DENND6A: variants seen among roughly 807,000 people sequenced by gnomAD.
The protein encoded by DENND6A is protein DENND6A.
Under a neutral mutation model 95.5 loss-of-function variants are expected in DENND6A, and 43 were observed. That is an observed-to-expected ratio of 0.45 (90% CI 0.35 to 0.58). The LOEUF is 0.58. Among genes scored for constraint, DENND6A ranks in the 20% least tolerant of loss-of-function variants. The probability of loss-of-function intolerance (pLI) is 0.00; values close to 1 mark genes in which losing one functional copy is unlikely to be tolerated. For synonymous variants in DENND6A, 257 were observed against 260.4 expected (o/e 0.99, Z 0.13); for missense variants, 574 against 736.0 (o/e 0.78, Z 2.55).
At chr3:57,685,476 T>C (rs955926054) in intron 1 of DENND6A, among the ~76,000 whole-genome samples, 1 of 152,082 alleles carries the variant, frequency 6.6e-6, no homozygotes, top group Non-Finnish European at 1.5e-5. Context: ...CAGTTGGACA[T>C]CCCAAATCCA....
intron 3 of DENND6A, among the ~76,000 whole-genome samples, chr3:57,671,656 G>GAA (rs1250570232): frequency 6.6e-6 from 1 of 152,170 alleles, no homozygotes; most frequent in African/African-American, 2.4e-5. Context: ...AAGCTAGTTT[G>GAA]AAAGTGAAAC....
chr3:57,646,518 A>C, intron 9 of DENND6A, 80 bp from the exon 10 acceptor site: 1 of 1,472,066 alleles, frequency 6.8e-7, no homozygotes, highest in Admixed American at 2.6e-5. Context: ...CTTTCTAAAA[A>C]CTCCACATTG....
At chr3:57,686,201 G>A (rs1326542253) in intron 1 of DENND6A, among the ~76,000 whole-genome samples, 6 of 152,044 alleles carry the variant, frequency 3.9e-5, no homozygotes. Flanking sequence ...CATATCCCAG[G>A]TAAAACAGAA....
chr3:57,653,442 G>T (rs1444993003), intron 9 of DENND6A, among the ~76,000 whole-genome samples: 1 of 151,974 alleles, frequency 6.6e-6, no homozygotes, highest in Non-Finnish European at 1.5e-5. Flanking sequence ...AACTTCTCTC[G>T]AACTAAAAAA....
chr3:57,639,969 A>C (rs904242958), intron 12 of DENND6A, among the ~76,000 whole-genome samples: 2 of 152,160 alleles, frequency 1.3e-5, no homozygotes, highest in African/African-American at 4.8e-5. Flanking sequence ...AAAAGGAACA[A>C]GTTTTAAAAG....
intron 11 of DENND6A, among the ~76,000 whole-genome samples, chr3:57,642,334 A>G (rs866939001): frequency 6.7e-5 from 10 of 148,280 alleles, no homozygotes; most frequent in Non-Finnish European, 1.5e-4. Context: ...AAAAAAAAAA[A>G]GCATAATAAT....
intron 1 of DENND6A, among the ~76,000 whole-genome samples, chr3:57,682,829 T>A (rs2077178495): frequency 6.6e-6 from 1 of 151,978 alleles, no homozygotes; most frequent in Non-Finnish European, 1.5e-5. Flanking sequence ...GTGTGCAACA[T>A]CCCGCCCGGC....
chr3:57,669,266 C>A (rs141975324), intron 3 of DENND6A, among the ~76,000 whole-genome samples: 219 of 152,230 alleles, frequency 1.4e-3, no homozygotes, highest in Non-Finnish European at 2.7e-3. Flanking sequence ...AACATATAGT[C>A]TCTTGCTACC....
At chr3:57,635,628 T>A (rs952336625) in intron 12 of DENND6A, among the ~76,000 whole-genome samples, 10 of 152,180 alleles carry the variant, frequency 6.6e-5, no homozygotes, top group African/African-American at 1.9e-4. Flanking sequence ...GTTTAAATAG[T>A]TACATAGATC....
intron 1 of DENND6A, among the ~76,000 whole-genome samples, chr3:57,691,780 C>A (rs1348460268): frequency 6.6e-6 from 1 of 151,258 alleles, no homozygotes; most frequent in Non-Finnish European, 1.5e-5. Context: ...GCTAAAAAGA[C>A]CTTCAACAAC....
intron 12 of DENND6A, among the ~76,000 whole-genome samples, chr3:57,639,384 T>G (rs1484465170): frequency 1.3e-5 from 2 of 152,218 alleles, no homozygotes; most frequent in Admixed American, 1.3e-4. Flanking sequence ...CAATTCATGC[T>G]GCTCTACCAA....
At chr3:57,676,081 AAAAAAGTCCT>A (rs1302563536) in intron 1 of DENND6A, among the ~76,000 whole-genome samples, 4 of 152,050 alleles carry the variant, frequency 2.6e-5, no homozygotes, top group Non-Finnish European at 5.9e-5. Flanking sequence ...TCTCTCAAAA[AAAAAAGTCCT>A]TCTTGGCCAG....
chr3:57,641,634 C>A lies in DENND6A; in HGVS notation c.1132+19G>T. On this transcript the variant is annotated intron_variant, in intron 12 of 19. Coordinates refer to ENST00000311128, the MANE Select transcript of DENND6A (RefSeq NM_152678.3). The stretch of plus-strand genomic sequence containing the variant: ...GCAACACTGCACACTAGAAACAGAA[C>A]ACCAAGTTTATACTTTACCTGTAGG... 1 of 1,593,720 alleles carries A rather than the reference C, an allele frequency of 6.3e-7. No individual in the cohort carries two copies. The highest frequency in any genetic ancestry group is 1.1e-5 in the South Asian group (1 of 87,782).
intron 1 of DENND6A, among the ~76,000 whole-genome samples, chr3:57,691,122 G>T (rs1286647884): frequency 6.6e-6 from 1 of 152,106 alleles, no homozygotes; most frequent in Non-Finnish European, 1.5e-5. Context: ...CAAATAATGA[G>T]AATCCAAAAG....
At chr3:57,669,719 AAAAAG>A (rs958711132) in intron 3 of DENND6A, among the ~76,000 whole-genome samples, 2 of 151,556 alleles carry the variant, frequency 1.3e-5, no homozygotes, top group African/African-American at 4.9e-5. Flanking sequence ...CATCTCAAAA[AAAAAG>A]AAAAGAAAAA....
intron 1 of DENND6A, among the ~76,000 whole-genome samples, chr3:57,686,915 G>C (rs1387837058): frequency 6.6e-6 from 1 of 152,182 alleles, no homozygotes; most frequent in Non-Finnish European, 1.5e-5. Flanking sequence ...TCAAAAGCTA[G>C]AAATGATTTA....
Position 57,643,612 on chromosome 3 carries a change from G to C in DENND6A, c.1038-1865C>G, listed in dbSNP as rs547863287. On this transcript the variant is annotated intron_variant, in intron 11 of 19. Coordinates refer to ENST00000311128, the MANE Select transcript of DENND6A (RefSeq NM_152678.3). ...GGAGGCTGAGGCGGGTGGATCACTT[G>C]AGGTCAGGAGTTCGAGCCAGTCTGG... is the stretch of plus-strand genomic sequence containing the variant. Among the ~76,000 whole-genome samples the C allele has an allele frequency of 3.9e-5, 6 of 152,088 alleles. No individual in the cohort carries two copies. In the South Asian group the frequency reaches 1.2e-3, roughly 32 times the overall value.
intron 6 of DENND6A, 32 bp from the exon 7 acceptor site, chr3:57,660,871 T>C: frequency 2.6e-6 from 4 of 1,525,638 alleles, no homozygotes; most frequent in Non-Finnish European, 3.5e-6. Flanking sequence ...TTTCTTAGAA[T>C]AAGTGAAAAT....
rs74827355 is a variant in DENND6A, at chr3:57,638,669, A to C, written c.1132+2984T>G. Among the ~76,000 whole-genome samples, 101 of 152,242 alleles carry C rather than the reference A, an allele frequency of 6.6e-4. No individual in the cohort carries two copies. In the East Asian group the frequency reaches 9.4e-3, roughly 14 times the overall value. On this transcript the variant is annotated intron_variant, in intron 12 of 19. Transcript: ENST00000311128. ...GAGACTCCGTTTCAAAAATAAATAAATAACTAAATAAATAAATAAATAAAA... is the reference window on the plus strand; with the variant it reads ...GAGACTCCGTTTCAAAAATAAATAACTAACTAAATAAATAAATAAATAAAA...
Sources: gnomAD v4.1 joint callset for allele counts (sites outside exome capture counted in the v4.1 genomes callset) on GRCh38, gnomAD v4.1.1 for gene constraint, MANE v1.5 for transcripts, NCBI Gene and HGNC (gene_info 2026-07-23, HGNC 2026-07-21) for gene names.